GALK1: variants seen among roughly 807,000 people sequenced by gnomAD.
The protein encoded by GALK1 is galactokinase.
GALK1 carries 30 observed loss-of-function variants against 38.6 expected under a neutral mutation model. The observed-to-expected ratio is 0.78, with a 90% CI of 0.58 to 1.05. GALK1 has a LOEUF of 1.05. Among genes scored for constraint, GALK1 ranks in the 50% least tolerant of loss-of-function variants. The pLI, the probability that GALK1 is intolerant of heterozygous loss-of-function variation, is 0.00. For missense variants in GALK1, 512 were observed against 540.5 expected (o/e 0.95, Z 0.52); for synonymous variants, 240 against 233.6 (o/e 1.03, Z -0.25).
In GALK1 at chr17:75,763,933, C is replaced by T. The variant is rs1249143228; in HGVS notation, c.319G>A (p.Ala107Thr). The change falls in exon 2 of 8, where the codon GCC becomes ACC. Residue 107 changes from alanine (A) to threonine (T), a missense_variant. By Grantham distance (58) the Ala-to-Thr change is moderately conservative. Transcript: ENST00000588479. ...RSLEPGTPRW[A>T]NYVKGVIQYY... ...TGAATCACTCCCTTGACATAGTTGG[C>T]CCACCGAGGAGTCCCAGGCTCCAGC... 9.9e-6 allele frequency: 16 copies of T among 1,613,450 alleles called. No individual in the cohort carries two copies. The highest frequency in any genetic ancestry group is 1.3e-5 in the African/African-American group (1 of 74,902).
intron 8 of GALK1, chr17:75,752,659 G>A (rs960921499): frequency 1.3e-6 from 2 of 1,564,480 alleles, no homozygotes; most frequent in African/African-American, 1.4e-5. Context: ...AGAGGGCAAA[G>A]GGGCCAGCAA....
At chr17:75,757,848 T>G, downstream of GALK1, 1 of 675,858 alleles carries the variant, frequency 1.5e-6, no homozygotes, top group Non-Finnish European at 2.5e-6. Context: ...TTCTGGGGCC[T>G]GAGAGGTGCT....
At chr17:75,755,126 G>T (rs774244228), downstream of GALK1, 1 of 1,610,886 alleles carries the variant, frequency 6.2e-7, no homozygotes, top group South Asian at 1.1e-5. Context: ...CCGGAGTCGG[G>T]CTCAGATGAA....
In GALK1 at chr17:75,758,044, C is replaced by G. The variant is rs561312049; in HGVS notation, c.*12G>C. The G allele has an allele frequency of 3.1e-6, 5 of 1,612,626 alleles. No homozygotes were observed. The African/African-American group carries it at 5.3e-5, about 17-fold the overall frequency. On this transcript the variant is annotated 3_prime_UTR_variant, in exon 8 of 8. Transcript: ENST00000588479. The stretch of plus-strand genomic sequence containing the variant: ...GCCCCGCACCCTCACCGTGTGCTGT[C>G]CTGGGGGTGCCTCACAAGCACAGCA...
At chr17:75,752,298 G>A in intron 8 of GALK1, 1 of 1,613,232 alleles carries the variant, frequency 6.2e-7, no homozygotes, top group Non-Finnish European at 8.5e-7. Context: ...GGGCCGGCTG[G>A]GGGCCTGAGC....
downstream of GALK1, chr17:75,756,413 C>T: frequency 6.2e-7 from 1 of 1,613,094 alleles, no homozygotes; most frequent in Non-Finnish European, 8.5e-7. Context: ...TGTGTGCCCC[C>T]ACCTGATCCC....
chr17:75,754,941 T>C (rs2061455838), downstream of GALK1: 2 of 1,505,188 alleles, frequency 1.3e-6, no homozygotes, highest in Non-Finnish European at 9.1e-7. Context: ...CATGCACACA[T>C]GCACGCACAC....
At chr17:75,756,000 A>G, downstream of GALK1, 1 of 958,726 alleles carries the variant, frequency 1.0e-6, no homozygotes, top group Non-Finnish European at 1.6e-6. Context: ...CTCCCACCCC[A>G]TTCTCCACCC....
At chr17:75,752,036 A>T in intron 8 of GALK1, 2 of 921,178 alleles carry the variant, frequency 2.2e-6, no homozygotes, top group Non-Finnish European at 3.6e-6. Context: ...GCGGCAATTC[A>T]GCAGTGGCTG....
At chr17:75,757,680 G>A (rs769616596), downstream of GALK1, 6 of 1,346,734 alleles carry the variant, frequency 4.5e-6, no homozygotes, top group Admixed American at 1.8e-5. Context: ...ACAGAGCAGG[G>A]GCTAGGTGTC....
At chr17:75,756,074 C>T (rs1053368339), downstream of GALK1, among the ~76,000 whole-genome samples, 1 of 152,220 alleles carries the variant, frequency 6.6e-6, no homozygotes, top group Non-Finnish European at 1.5e-5. Context: ...CCTGGTCATT[C>T]TCTGCTAGGT....
chr17:75,755,214 G>T (rs753029254), downstream of GALK1: 1 of 1,602,086 alleles, frequency 6.2e-7, no homozygotes, highest in East Asian at 2.2e-5. Context: ...TGGGGCCCAG[G>T]TAGTACAGGG....
intron 5 of GALK1, among the ~76,000 whole-genome samples, chr17:75,759,527 A>G (rs2061578034): frequency 6.6e-6 from 1 of 151,940 alleles, no homozygotes; most frequent in Non-Finnish European, 1.5e-5. Flanking sequence ...AGGCTGAGGG[A>G]AGGAGCCAGG....
At chr17:75,757,423 G>A (rs200798799), downstream of GALK1, 126 of 1,613,026 alleles carry the variant, frequency 7.8e-5, no homozygotes, top group African/African-American at 1.1e-4. Flanking sequence ...CAGATGGGCT[G>A]ACCCTGGGGG....
At chr17:75,763,853 C>A in intron 2 of GALK1, 44 bp downstream of exon 2, 1 of 1,566,970 alleles carries the variant, frequency 6.4e-7, no homozygotes, top group Non-Finnish European at 8.8e-7. Flanking sequence ...TGAGGTGGCA[C>A]TCCTAGTATC....
intron 5 of GALK1, among the ~76,000 whole-genome samples, 184 bp downstream of exon 5, chr17:75,762,520 A>T (rs935082523): frequency 6.6e-6 from 1 of 152,140 alleles, no homozygotes; most frequent in Non-Finnish European, 1.5e-5. Flanking sequence ...ATTAGATAAG[A>T]CCATTTTAGG....
downstream of GALK1, chr17:75,753,715 C>T (rs760938497): frequency 4.7e-6 from 6 of 1,266,402 alleles, no homozygotes; most frequent in African/African-American, 4.6e-5. Context: ...TGGCCCTGCT[C>T]GGCCCGGCGC....
chr17:75,763,447 G>A lies in GALK1; in HGVS notation c.356-8C>T, dbSNP rs1346383064. ...AGCCAGGGAGGGGGGCAGCTGCAGG[G>A]GAAAGAACAGGTGATGGTAAGAGGG... On this transcript the variant is annotated splice_region_variant and splice_polypyrimidine_tract_variant and intron_variant, in intron 2 of 7. Transcript: ENST00000588479. 1 of 1,583,968 alleles carries A rather than the reference G, an allele frequency of 6.3e-7. No individual in the cohort carries two copies. Among genetic ancestry groups the A allele is most frequent in the Non-Finnish European group, 8.6e-7 (1 of 1,165,618 alleles).
In GALK1 at chr17:75,764,078, C is replaced by G; in HGVS notation, c.174G>C (p.Glu58Asp). 6.3e-7 allele frequency: 1 copy of G among 1,579,932 alleles called. No homozygotes were observed. The highest frequency in any genetic ancestry group is 8.6e-7 in the Non-Finnish European group (1 of 1,166,238). ...NQGLVLPMALELMTVLVGSPR... is the reference protein window; with the variant it reads ...NQGLVLPMALDLMTVLVGSPR... ...GGCTGCCCACCAGCACCGTCATGAG[C>G]TCCAGAGCCTGGCAGGAGAGACAAG... Residue 58 changes from glutamate (E) to aspartate (D), a missense_variant, in exon 2 of 8, where the codon GAG (glutamate) becomes GAC (aspartate). Glu to Asp is a conservative substitution (Grantham distance 45). Coordinates refer to ENST00000588479, the MANE Select transcript of GALK1 (RefSeq NM_000154.2).
Sources: allele counts gnomAD v4.1 joint callset (sites outside exome capture counted in the v4.1 genomes callset), GRCh38; gene constraint gnomAD v4.1.1; transcripts MANE v1.5; gene names NCBI Gene and HGNC (gene_info 2026-07-23, HGNC 2026-07-21).